Variants in SMYD4 observed in about 807,000 individuals in gnomAD.
SMYD4 encodes the protein SET and MYND domain containing 4.
Under a neutral mutation model 72.8 loss-of-function variants are expected in SMYD4, and 68 were observed. The ratio of observed to expected loss-of-function variants is 0.93; its 90% CI spans 0.77 to 1.14. SMYD4 has a LOEUF of 1.14. Among genes scored for constraint, SMYD4 ranks in the 50% most tolerant of loss-of-function variants. The pLI, the probability that SMYD4 is intolerant of heterozygous loss-of-function variation, is 0.00. For synonymous variants in SMYD4, 407 were observed against 388.6 expected (o/e 1.05, Z -0.56); for missense variants, 984 against 1,003.7 (o/e 0.98, Z 0.27).
intron 4 of SMYD4, among the ~76,000 whole-genome samples, chr17:1,804,118 G>A (rs573959977): frequency 6.6e-6 from 1 of 151,532 alleles, no homozygotes; most frequent in Non-Finnish European, 1.5e-5. Flanking sequence ...CTCATGATCC[G>A]CCTGCCTCAG....
chr17:1,815,504 C>CTT (rs35091572), intron 2 of SMYD4, among the ~76,000 whole-genome samples: 5 of 133,614 alleles, frequency 3.7e-5, no homozygotes, highest in African/African-American at 1.1e-4. Context: ...CCAGCCGATT[C>CTT]TTTTTTTTTT....
intron 5 of SMYD4, among the ~76,000 whole-genome samples, chr17:1,795,569 T>C (rs1402474472): frequency 6.6e-6 from 1 of 152,030 alleles, no homozygotes; most frequent in African/African-American, 2.4e-5. Flanking sequence ...TAGCCTCCCG[T>C]GTAGCTGGGA....
chr17:1,816,009 C>T (rs777248093), intron 2 of SMYD4, among the ~76,000 whole-genome samples: 1 of 152,018 alleles, frequency 6.6e-6, no homozygotes, highest in Admixed American at 6.6e-5. Flanking sequence ...CTATTTAAAC[C>T]ATTTTTTAAG....
chr17:1,808,014 A>T (rs908073664), intron 3 of SMYD4, among the ~76,000 whole-genome samples: 8 of 152,180 alleles, frequency 5.3e-5, no homozygotes, highest in Non-Finnish European at 1.0e-4. Flanking sequence ...ATATGGAGAA[A>T]TTAATATCCC....
In SMYD4 at chr17:1,789,331, G is replaced by A. The variant is rs530094036; in HGVS notation, c.1538-1727C>T. ...GAATCCAGGAGGAGGAGGTTGCAGT[G>A]AGCCCAGATCACACTGCTGCACTCC... On this transcript the variant is annotated intron_variant, in intron 5 of 10. Coordinates refer to ENST00000305513, the MANE Select transcript of SMYD4 (RefSeq NM_052928.3). Among the ~76,000 whole-genome samples the A allele has an allele frequency of 9.9e-5, 15 of 152,276 alleles. No homozygotes were observed. The East Asian group carries it at 2.3e-3, about 23-fold the overall frequency.
At chr17:1,807,419 C>A (rs538375378) in intron 3 of SMYD4, among the ~76,000 whole-genome samples, 1 of 102,964 alleles carries the variant, frequency 9.7e-6, no homozygotes, top group African/African-American at 3.5e-5. Flanking sequence ...CCGCGTACCG[C>A]CCCCCCCGGC....
chr17:1,795,440 TATCTAATC>T (rs1909351081), intron 5 of SMYD4, among the ~76,000 whole-genome samples: 1 of 121,258 alleles, frequency 8.2e-6, no homozygotes, highest in East Asian at 2.2e-4. Context: ...TCTATCTATC[TATCTAATC>T]ATCTATCTAT....
intron 2 of SMYD4, among the ~76,000 whole-genome samples, chr17:1,819,909 T>TC (rs765166294): frequency 6.6e-6 from 1 of 152,088 alleles, no homozygotes; most frequent in Non-Finnish European, 1.5e-5. Flanking sequence ...TGCCTCAGCC[T>TC]CCCAAGTACC....
At chr17:1,810,907 A>G (rs1415192268) in intron 3 of SMYD4, among the ~76,000 whole-genome samples, 1 of 152,208 alleles carries the variant, frequency 6.6e-6, no homozygotes, top group African/African-American at 2.4e-5. Flanking sequence ...CTCCAGGGGA[A>G]AACCATCTCC....
intron 7 of SMYD4, 68 bp downstream of exon 7, chr17:1,786,742 A>G (rs1908711394): frequency 2.5e-6 from 4 of 1,596,798 alleles, no homozygotes; most frequent in Non-Finnish European, 3.4e-6. Context: ...TTCCTCCTAA[A>G]CACTGATCAC....
intron 2 of SMYD4, among the ~76,000 whole-genome samples, chr17:1,818,971 AT>A (rs1269897724): frequency 6.6e-6 from 1 of 151,772 alleles, no homozygotes; most frequent in African/African-American, 2.4e-5. Flanking sequence ...TTAATGAGTA[AT>A]TTTTTTTAAA....
At chr17:1,801,483 G>C (rs1322406011) in intron 4 of SMYD4, among the ~76,000 whole-genome samples, 1 of 151,144 alleles carries the variant, frequency 6.6e-6, no homozygotes, top group Admixed American at 6.6e-5. Context: ...CTCATGATAC[G>C]CCCGCCTCAG....
chr17:1,803,911 C>A (rs1909898541), intron 4 of SMYD4, among the ~76,000 whole-genome samples: 1 of 148,552 alleles, frequency 6.7e-6, no homozygotes, highest in Admixed American at 6.8e-5. Context: ...GAGACAGAGT[C>A]TGTTGCCAGG....
intron 2 of SMYD4, among the ~76,000 whole-genome samples, chr17:1,821,119 A>G (rs1910864197): frequency 6.6e-6 from 1 of 152,258 alleles, no homozygotes; most frequent in South Asian, 2.1e-4. Flanking sequence ...GGTTCATGTG[A>G]ACAAGACTCA....
chr17:1,791,000 G>A (rs1013452475), intron 5 of SMYD4, among the ~76,000 whole-genome samples: 1 of 150,506 alleles, frequency 6.6e-6, no homozygotes, highest in African/African-American at 2.4e-5. Flanking sequence ...GGTGGTGGGC[G>A]CCTGTAGTCC....
chr17:1,795,303 G>A (rs761660739), intron 5 of SMYD4, among the ~76,000 whole-genome samples: 40 of 151,868 alleles, frequency 2.6e-4, no homozygotes, highest in Non-Finnish European at 4.7e-4. Context: ...AGAGAGACTT[G>A]CTCTGTCGCC....
chr17:1,804,514 G>T, intron 4 of SMYD4, 112 bp downstream of exon 4: 1 of 940,284 alleles, frequency 1.1e-6, no homozygotes, highest in Non-Finnish European at 1.7e-6. Flanking sequence ...TCAACCAATA[G>T]CAGCATGACA....
In SMYD4 at chr17:1,784,450, C is replaced by G. The variant is rs9893193; in HGVS notation, c.1896G>C (p.Val632=). Reference sequence around the variant, plus strand: ...CACAAGATCTGCTGCCACAGCGCAGCACGTCATCTCCCTGTGGAAGTCAGT... The same window carrying G: ...CACAAGATCTGCTGCCACAGCGCAGGACGTCATCTCCCTGTGGAAGTCAGT... ...SCGAPMQGDD[V]LRCGSRSCAE... The change falls in exon 8 of 11, where the codon GTG becomes GTC. Residue 632 remains valine, a synonymous_variant. Coordinates refer to ENST00000305513, the MANE Select transcript of SMYD4 (RefSeq NM_052928.3). 2.8e-4 allele frequency: 447 copies of G among 1,614,170 alleles called. No homozygotes were observed. The African/African-American group carries it at 5.2e-3, about 19-fold the overall frequency.
At chr17:1,789,933 G>T (rs1289466616) in intron 5 of SMYD4, among the ~76,000 whole-genome samples, 1 of 152,140 alleles carries the variant, frequency 6.6e-6, no homozygotes, top group African/African-American at 2.4e-5. Context: ...TCTACAAATT[G>T]TATTAAAATC....
Sources: allele counts gnomAD v4.1 joint callset (sites outside exome capture counted in the v4.1 genomes callset), GRCh38; gene constraint gnomAD v4.1.1; transcripts MANE v1.5; gene names NCBI Gene and HGNC (gene_info 2026-07-23, HGNC 2026-07-21).